Variants in ARHGAP32 observed in about 807,000 individuals in gnomAD.
ARHGAP32 encodes Rho GTPase activating protein 32, also known as rho GTPase-activating protein 32.
A neutral mutation model predicts 186.5 loss-of-function variants in ARHGAP32; 51 were observed. The observed-to-expected ratio is 0.27, with a 90% CI of 0.22 to 0.35. The LOEUF (loss-of-function observed/expected upper bound fraction) is 0.35, where lower values mean the gene tolerates loss of function less well. ARHGAP32 is among the 10% of genes least tolerant of loss of function. The pLI is 1.00. For missense variants in ARHGAP32, 2,186 were observed against 2,623.5 expected, an observed-to-expected ratio of 0.83 and a Z score of 3.64; for synonymous variants, 950 against 964.3, an observed-to-expected ratio of 0.99 and a Z score of 0.27.
intron 11 of ARHGAP32, among the ~76,000 whole-genome samples, chr11:129,007,949 G>A (rs1365590779): frequency 6.6e-6 from 1 of 152,116 alleles, no homozygotes; most frequent in Non-Finnish European, 1.5e-5. Flanking sequence ...CCCCTCCATG[G>A]GTAGGCATCA....
At chr11:129,126,154 G>A in intron 2 of ARHGAP32, 1 of 226,492 alleles carries the variant, frequency 4.4e-6, no homozygotes, top group Non-Finnish European at 8.9e-6. Flanking sequence ...GGGAAAATGA[G>A]ATAATATCCT....
chr11:129,239,651 T>C (rs1944988364), intron 1 of ARHGAP32, among the ~76,000 whole-genome samples: 1 of 151,858 alleles, frequency 6.6e-6, no homozygotes, highest in African/African-American at 2.4e-5. Flanking sequence ...AGGGTTAGCA[T>C]CATCTCTAAT....
intron 1 of ARHGAP32, 110 bp downstream of exon 1, chr11:129,191,973 A>C: frequency 1.2e-6 from 1 of 805,748 alleles, no homozygotes; most frequent in Non-Finnish European, 2.0e-6. Flanking sequence ...ACCTTCCCCC[A>C]GAAAACAGAA....
At chr11:128,998,966 C>A in intron 11 of ARHGAP32, among the ~76,000 whole-genome samples, 1 of 152,244 alleles carries the variant, frequency 6.6e-6, no homozygotes, top group African/African-American at 2.4e-5. Flanking sequence ...GTGTTAACTG[C>A]ACAAATTGTT....
chr11:129,163,850 TC>T (rs1252852562), intron 2 of ARHGAP32, among the ~76,000 whole-genome samples: 4 of 152,148 alleles, frequency 2.6e-5, no homozygotes, highest in Non-Finnish European at 5.9e-5. Context: ...CGATCTGCTT[TC>T]CACCCACCCA....
chr11:129,105,506 CA>C (rs796610507), intron 5 of ARHGAP32, among the ~76,000 whole-genome samples: 8 of 151,858 alleles, frequency 5.3e-5, no homozygotes, highest in African/African-American at 1.9e-4. Flanking sequence ...TCCTGGCATT[CA>C]AAAAAATCCC....
intron 10 of ARHGAP32, among the ~76,000 whole-genome samples, chr11:129,056,650 C>T (rs2135109710): frequency 6.6e-6 from 1 of 152,280 alleles, no homozygotes; most frequent in Non-Finnish European, 1.5e-5. Flanking sequence ...TTCTCATGCC[C>T]TGACAGCTGG....
At chr11:129,045,654 T>C (rs1939776741) in intron 10 of ARHGAP32, among the ~76,000 whole-genome samples, 2 of 152,230 alleles carry the variant, frequency 1.3e-5, no homozygotes, top group South Asian at 4.1e-4. Flanking sequence ...TGGTAAAAAG[T>C]GACTGGAACT....
chr11:128,999,502 T>G (rs11221531), intron 11 of ARHGAP32, among the ~76,000 whole-genome samples: 30,737 of 152,060 alleles, frequency 0.2, 3,208 homozygotes, highest in Non-Finnish European at 0.22. Context: ...TTGTGAAGCA[T>G]GTGATCTCTG....
chr11:129,015,232 T>TAG (rs1484643681), intron 11 of ARHGAP32, among the ~76,000 whole-genome samples: 1 of 152,172 alleles, frequency 6.6e-6, no homozygotes, highest in Non-Finnish European at 1.5e-5. Flanking sequence ...CATAAGTCTC[T>TAG]AGAGACCAGT....
At chr11:129,210,764 A>AT (rs763704431) in intron 1 of ARHGAP32, among the ~76,000 whole-genome samples, 4 of 152,224 alleles carry the variant, frequency 2.6e-5, no homozygotes, top group Non-Finnish European at 5.9e-5. Flanking sequence ...CTTTTCTGCT[A>AT]TAACTCCTTT....
At chr11:129,249,303 AAAGT>A (rs962268706) in intron 1 of ARHGAP32, among the ~76,000 whole-genome samples, 2 of 152,144 alleles carry the variant, frequency 1.3e-5, no homozygotes, top group Non-Finnish European at 2.9e-5. Flanking sequence ...TGTATTAAAA[AAAGT>A]AATACTCATA....
Position 128,974,294 on chromosome 11 carries a change from G to C in ARHGAP32, c.2903C>G (p.Thr968Ser). 6.2e-7 allele frequency: 1 copy of C among 1,614,186 alleles called. No individual in the cohort carries two copies. The highest frequency in any genetic ancestry group is 8.5e-7 in the Non-Finnish European group (1 of 1,180,040). The change falls in exon 21 of 23, where the codon ACC (threonine) becomes AGC (serine). Residue 968 changes from threonine to serine, a missense_variant. This residue lies in a region of ARHGAP32 where 1,502 missense variants were observed against 1,570.0 expected (regional missense o/e 0.96). Coordinates refer to ENST00000682385, the MANE Select transcript of ARHGAP32 (RefSeq NM_001378024.1). ...EERDATNRSPTQIVKMKTNET... is the reference protein window; with the variant it reads ...EERDATNRSPSQIVKMKTNET... ...ATTTGTTTTCATCTTTACTATCTGG[G>C]TGGGGGATCTATTTGTGGCATCCCT... is the stretch of plus-strand genomic sequence containing the variant.
intron 1 of ARHGAP32, among the ~76,000 whole-genome samples, chr11:129,203,228 C>CT (rs1475384310): frequency 2.6e-5 from 4 of 151,314 alleles, no homozygotes; most frequent in Non-Finnish European, 5.9e-5. Flanking sequence ...AAGCAACCAT[C>CT]TTATCAGTCT....
chr11:128,996,549 T>C (rs1946204240), intron 12 of ARHGAP32, among the ~76,000 whole-genome samples: 1 of 152,214 alleles, frequency 6.6e-6, no homozygotes, highest in African/African-American at 2.4e-5. Context: ...AAGTTTAAAA[T>C]GGTTAACTTA....
chr11:129,045,369 T>A (rs1184310935), intron 10 of ARHGAP32, among the ~76,000 whole-genome samples: 1 of 152,192 alleles, frequency 6.6e-6, no homozygotes, highest in Non-Finnish European at 1.5e-5. Flanking sequence ...AAATCCATCA[T>A]CTTTTCCGCT....
upstream of ARHGAP32, among the ~76,000 whole-genome samples, chr11:129,193,710 T>A (rs191040947): frequency 4.0e-3 from 150 of 37,220 alleles, 3 homozygotes; most frequent in South Asian, 0.03. Context: ...ATAATATATA[T>A]TATATATTAT....
chr11:129,249,765 G>A (rs1014702411), intron 1 of ARHGAP32, among the ~76,000 whole-genome samples: 1 of 151,942 alleles, frequency 6.6e-6, no homozygotes, highest in African/African-American at 2.4e-5. Flanking sequence ...CCTTAATTTA[G>A]TCCTTTAAAA....
chr11:129,066,364 G>A (rs1940689208), intron 7 of ARHGAP32, among the ~76,000 whole-genome samples: 1 of 151,980 alleles, frequency 6.6e-6, no homozygotes, highest in Non-Finnish European at 1.5e-5. Flanking sequence ...GAAGGTAGGT[G>A]CATACACACA....
Sources: allele counts gnomAD v4.1 joint callset (sites outside exome capture counted in the v4.1 genomes callset), GRCh38; gene constraint gnomAD v4.1.1; regional missense constraint gnomAD v4.1.1; transcripts MANE v1.5; gene names NCBI Gene and HGNC (gene_info 2026-07-23, HGNC 2026-07-21).